JPH1: variants seen among roughly 807,000 people sequenced by gnomAD.
JPH1 encodes junctophilin 1, also known as junctophilin-1.
A neutral mutation model predicts 53.6 loss-of-function variants in JPH1; 12 were observed. The observed-to-expected ratio is 0.22, with a 90% CI of 0.14 to 0.36. The LOEUF (loss-of-function observed/expected upper bound fraction) is 0.36, where lower values mean the gene tolerates loss of function less well. Ranked by LOEUF, JPH1 falls within the 10% of genes least tolerant of loss-of-function variation. The pLI is 1.00. For missense variants in JPH1, 808 were observed against 905.5 expected (o/e 0.89, Z 1.38); for synonymous variants, 375 against 363.8 (o/e 1.03, Z -0.35).
intron 2 of JPH1, among the ~76,000 whole-genome samples, chr8:74,283,680 G>A (rs1807077195): frequency 6.6e-6 from 1 of 152,184 alleles, no homozygotes; most frequent in Non-Finnish European, 1.5e-5. Context: ...ACAATCATCA[G>A]TTTCAGAAAC....
intron 3 of JPH1, among the ~76,000 whole-genome samples, chr8:74,253,888 G>A (rs1244520778): frequency 6.6e-6 from 1 of 152,056 alleles, no homozygotes; most frequent in Non-Finnish European, 1.5e-5. Flanking sequence ...AGCTGAAATT[G>A]AGGCAATAAT....
intron 2 of JPH1, among the ~76,000 whole-genome samples, chr8:74,303,266 T>A (rs776380750): frequency 6.6e-6 from 1 of 152,206 alleles, no homozygotes. Flanking sequence ...CAAATACATC[T>A]TCCCCCATTA....
In JPH1 at chr8:74,244,541, T is replaced by G; in HGVS notation, c.1893A>C (p.Lys631Asn). ...ASNDSCPALE[K>N]EANSGPNSIM... ...TTGCAGTACTTACTGAATTGGCTTC[T>G]TTTTCCAAAGCAGGGCATGAATCGT... The change falls in exon 4 of 6, where the codon AAA (lysine) becomes AAC (asparagine). Residue 631 changes from lysine to asparagine, a missense_variant. Transcript: ENST00000342232. The G allele has an allele frequency of 6.2e-7, 1 of 1,603,384 alleles. No homozygotes were observed. The highest frequency in any genetic ancestry group is 8.5e-7 in the Non-Finnish European group (1 of 1,176,246).
chr8:74,245,014 G>C lies in JPH1; in HGVS notation c.1420C>G (p.His474Asp), dbSNP rs375725056. The stretch of plus-strand genomic sequence containing the variant: ...GGCTTTGGGGAGGAAGCAGGAGAGT[G>C]GCTGTGTTTGGGACTTGCCTCAGGA... The part of the protein sequence containing the change: ...RSPEASPKHS[H>D]SPASSPKPLK... The change falls in exon 4 of 6, where the codon CAC becomes GAC. Residue 474 changes from histidine (H) to aspartate (D), a missense_variant. Coordinates refer to ENST00000342232, the MANE Select transcript of JPH1 (RefSeq NM_020647.4). 1 of 1,613,910 alleles carries C rather than the reference G, an allele frequency of 6.2e-7. No homozygotes were observed. The highest frequency in any genetic ancestry group is 8.5e-7 in the Non-Finnish European group (1 of 1,180,018).
chr8:74,278,914 G>C (rs946543572), intron 2 of JPH1, among the ~76,000 whole-genome samples: 2 of 152,056 alleles, frequency 1.3e-5, no homozygotes, highest in Admixed American at 6.6e-5. Flanking sequence ...AATATAATTA[G>C]GGATATGTGT....
chr8:74,260,052 T>C (rs960934237), intron 2 of JPH1, among the ~76,000 whole-genome samples: 6 of 152,234 alleles, frequency 3.9e-5, no homozygotes, highest in Non-Finnish European at 7.3e-5. Flanking sequence ...GCTACCAGCA[T>C]AATGCCGTTG....
intron 2 of JPH1, among the ~76,000 whole-genome samples, chr8:74,276,324 C>T (rs1806847310): frequency 6.6e-6 from 1 of 152,164 alleles, no homozygotes; most frequent in Admixed American, 6.5e-5. Context: ...TGATCTGAGG[C>T]TGTGAAGGCA....
chr8:74,249,332 A>G (rs1351962194), intron 3 of JPH1, among the ~76,000 whole-genome samples: 1 of 152,236 alleles, frequency 6.6e-6, no homozygotes, highest in African/African-American at 2.4e-5. Context: ...AATCAGTGAA[A>G]AGAGGACCAG....
chr8:74,282,776 T>C (rs1807049420), intron 2 of JPH1, among the ~76,000 whole-genome samples: 1 of 152,170 alleles, frequency 6.6e-6, no homozygotes, highest in South Asian at 2.1e-4. Flanking sequence ...TAACAATTCA[T>C]TATGCATTTT....
At chr8:74,260,663 G>A (rs759870622) in intron 2 of JPH1, among the ~76,000 whole-genome samples, 22 of 152,118 alleles carry the variant, frequency 1.4e-4, no homozygotes, top group Non-Finnish European at 2.6e-4. Context: ...GAGAACACAC[G>A]GGCAGCAGCT....
intron 2 of JPH1, among the ~76,000 whole-genome samples, chr8:74,288,583 C>A (rs752521640): frequency 2.0e-5 from 3 of 151,782 alleles, no homozygotes; most frequent in African/African-American, 7.3e-5. Context: ...GACAAGAAAA[C>A]GCAAGAGGGA....
intron 2 of JPH1, among the ~76,000 whole-genome samples, chr8:74,275,296 A>T (rs888344192): frequency 3.3e-5 from 5 of 152,204 alleles, no homozygotes; most frequent in Admixed American, 2.0e-4. Flanking sequence ...AACAGAGATG[A>T]AGAAAATGGA....
chr8:74,309,796 G>A (rs746289782), intron 2 of JPH1, among the ~76,000 whole-genome samples: 1 of 152,214 alleles, frequency 6.6e-6, no homozygotes, highest in African/African-American at 2.4e-5. Flanking sequence ...ATGGTGGGAT[G>A]ATCTTGGGCA....
chr8:74,294,882 C>A (rs994643927), intron 2 of JPH1, among the ~76,000 whole-genome samples: 1 of 152,170 alleles, frequency 6.6e-6, no homozygotes, highest in Non-Finnish European at 1.5e-5. Flanking sequence ...GTTCTTTTCC[C>A]ATTTTGCTGA....
At chr8:74,273,957 C>T (rs1001043937) in intron 2 of JPH1, among the ~76,000 whole-genome samples, 1 of 152,152 alleles carries the variant, frequency 6.6e-6, no homozygotes, top group Non-Finnish European at 1.5e-5. Flanking sequence ...CCTTAGCCAT[C>T]TCCTGGCAAG....
intron 2 of JPH1, among the ~76,000 whole-genome samples, chr8:74,271,265 T>C (rs1483345080): frequency 6.9e-6 from 1 of 144,416 alleles, no homozygotes; most frequent in East Asian, 2.3e-4. Flanking sequence ...AGGCCCACCC[T>C]CCCCCTTGTT....
At chr8:74,291,757 C>T (rs1311249490) in intron 2 of JPH1, among the ~76,000 whole-genome samples, 1 of 152,166 alleles carries the variant, frequency 6.6e-6, no homozygotes, top group African/African-American at 2.4e-5. Context: ...TTTACAATAG[C>T]AAAGACTTGG....
At chr8:74,254,957 T>C (rs1241532452) in intron 3 of JPH1, among the ~76,000 whole-genome samples, 1 of 152,134 alleles carries the variant, frequency 6.6e-6, no homozygotes, top group South Asian at 2.1e-4. Flanking sequence ...ATCGTGAAAA[T>C]GGGCATACTG....
intron 2 of JPH1, 135 bp from the exon 3 acceptor site, chr8:74,259,638 A>C: frequency 1.6e-6 from 1 of 607,512 alleles, no homozygotes; most frequent in Non-Finnish European, 2.8e-6. Flanking sequence ...AAAATTTTAG[A>C]GTCCTATTGC....
Sources: allele counts gnomAD v4.1 joint callset (sites outside exome capture counted in the v4.1 genomes callset), GRCh38; gene constraint gnomAD v4.1.1; transcripts MANE v1.5; gene names NCBI Gene and HGNC (gene_info 2026-07-23, HGNC 2026-07-21).